Variants in PTPRJ observed in about 807,000 individuals in gnomAD.
The protein encoded by PTPRJ is receptor-type tyrosine-protein phosphatase eta.
PTPRJ carries 129 observed loss-of-function variants against 141.3 expected under a neutral mutation model. The ratio of observed to expected loss-of-function variants is 0.91; its 90% CI spans 0.79 to 1.06. The LOEUF (loss-of-function observed/expected upper bound fraction) is 1.06, where lower values mean the gene tolerates loss of function less well. PTPRJ is among the 50% of genes least tolerant of loss of function. The pLI is 0.00. For missense variants in PTPRJ, 1,601 were observed against 1,679.7 expected (o/e 0.95, Z 0.82); for synonymous variants, 610 against 640.5 (o/e 0.95, Z 0.72).
chr11:48,114,461 A>G (rs1856516310), intron 3 of PTPRJ, among the ~76,000 whole-genome samples: 1 of 151,196 alleles, frequency 6.6e-6, no homozygotes, highest in Admixed American at 6.6e-5. Context: ...AAAAAAAAGA[A>G]AAATTCCTAG....
chr11:48,154,542 G>T (rs1857557650), intron 19 of PTPRJ, among the ~76,000 whole-genome samples: 1 of 152,084 alleles, frequency 6.6e-6, no homozygotes, highest in African/African-American at 2.4e-5. Context: ...CTCTCTTTTG[G>T]GTGGGGATTA....
chr11:48,005,117 G>A (rs542103027), intron 1 of PTPRJ, among the ~76,000 whole-genome samples: 17 of 152,050 alleles, frequency 1.1e-4, no homozygotes, highest in African/African-American at 3.6e-4. Context: ...ACCTGCTTGC[G>A]AGGCTGAGGC....
intron 1 of PTPRJ, among the ~76,000 whole-genome samples, chr11:48,091,393 G>C (rs1855863050): frequency 6.6e-6 from 1 of 152,118 alleles, no homozygotes. Flanking sequence ...GCATTTTCTT[G>C]TTATTTCCCT....
intron 1 of PTPRJ, among the ~76,000 whole-genome samples, chr11:48,100,426 G>A (rs2134312194): frequency 6.6e-6 from 1 of 152,298 alleles, no homozygotes; most frequent in East Asian, 1.9e-4. Flanking sequence ...CCCCTCGTAT[G>A]CTAAGTGCTT....
rs535812042 is a variant in PTPRJ at position 48,064,441 on chromosome 11, C to T, written c.97-45617C>T. Among the ~76,000 whole-genome samples, 20 of 152,212 alleles carry T rather than the reference C, an allele frequency of 1.3e-4. 1 individual carries two copies. In the South Asian group the frequency reaches 3.5e-3, roughly 27 times the overall value. ...CACCGGGCAGCAGCCCAGCAGCAGT[C>T]GGAGCTGCAGGGTCAGCTCACCATG... On this transcript the variant is annotated intron_variant, in intron 1 of 24. Coordinates refer to ENST00000418331, the MANE Select transcript of PTPRJ (RefSeq NM_002843.4).
In PTPRJ at chr11:48,121,185, G is replaced by A; in HGVS notation, c.535G>A (p.Ala179Thr). 6.2e-7 allele frequency: 1 copy of A among 1,614,118 alleles called. No homozygotes were observed. The highest frequency in any genetic ancestry group is 1.1e-5 in the South Asian group (1 of 91,088). Residue 179 changes from alanine (A) to threonine (T), a missense_variant, in exon 4 of 25, where the codon GCG becomes ACG. Transcript: ENST00000418331. ...PWCNITGLRP[A>T]TSYVFSITPG... ...GTGTAACATCACAGGCTTACGTCCA[G>A]CGACTTCATATGTATTCTCCATCAC...
At chr11:48,165,963 C>T (rs973951933) in intron 24 of PTPRJ, among the ~76,000 whole-genome samples, 2 of 151,502 alleles carry the variant, frequency 1.3e-5, no homozygotes, top group South Asian at 2.1e-4. Flanking sequence ...TGGGTTCAAG[C>T]GATTCCCCTG....
At chr11:48,139,405 C>T in intron 10 of PTPRJ, 81 bp from the exon 11 acceptor site, 1 of 1,471,368 alleles carries the variant, frequency 6.8e-7, no homozygotes, top group Non-Finnish European at 9.3e-7. Flanking sequence ...TTCTCATCCC[C>T]AGGATTCTGC....
chr11:48,141,535 C>T (rs1857228491), intron 11 of PTPRJ, among the ~76,000 whole-genome samples: 1 of 152,164 alleles, frequency 6.6e-6, no homozygotes, highest in African/African-American at 2.4e-5. Context: ...CCCACCTCAT[C>T]TGTGATTCTT....
chr11:48,082,188 T>C lies in PTPRJ; in HGVS notation c.97-27870T>C, dbSNP rs1439067190. 2.0e-5 allele frequency among the ~76,000 whole-genome samples: 3 copies of C among 152,348 alleles called. No homozygotes were observed. In the East Asian group the frequency reaches 5.8e-4, roughly 29 times the overall value. On this transcript the variant is annotated intron_variant, in intron 1 of 24. Coordinates refer to ENST00000418331, the MANE Select transcript of PTPRJ (RefSeq NM_002843.4). The stretch of plus-strand genomic sequence containing the variant: ...AGGCGATATGAGGAGCAGGGCATTT[T>C]TGGAGGAAGAAACTTTACCTCTGTT...
rs544578913 is a variant in PTPRJ, at chr11:48,089,498, G to A, written c.97-20560G>A. The stretch of plus-strand genomic sequence containing the variant: ...GCCACTGTACTCTAGCCTGGGCAAC[G>A]GAGCGAGACTCCATCTCAAAAAAAA... On this transcript the variant is annotated intron_variant, in intron 1 of 24. Transcript: ENST00000418331. Among the ~76,000 whole-genome samples the A allele has an allele frequency of 5.8e-5, 8 of 138,850 alleles. No homozygotes were observed. In the South Asian group the frequency reaches 7.1e-4, roughly 12 times the overall value. 91.1% of individuals were successfully genotyped at this position (138,850 alleles called of 152,430 possible).
intron 8 of PTPRJ, chr11:48,132,161 A>G (rs1323605664): frequency 2.0e-6 from 2 of 985,346 alleles, no homozygotes; most frequent in Non-Finnish European, 2.4e-6. Flanking sequence ...TGTGTTGGGC[A>G]GGTGGACTGT....
chr11:48,096,872 C>T (rs946623719), intron 1 of PTPRJ: 1 of 154,888 alleles, frequency 6.5e-6, no homozygotes, highest in African/African-American at 2.4e-5. Context: ...GTTCTGCTAC[C>T]TCCTAGCCTG....
At chr11:48,069,645 G>T (rs1008883421) in intron 1 of PTPRJ, among the ~76,000 whole-genome samples, 1 of 151,494 alleles carries the variant, frequency 6.6e-6, no homozygotes, top group African/African-American at 2.4e-5. Flanking sequence ...TAGAGACGGG[G>T]TTTCACCATG....
At chr11:48,069,704 G>A (rs552089472) in intron 1 of PTPRJ, among the ~76,000 whole-genome samples, 219 of 152,190 alleles carry the variant, frequency 1.4e-3, no homozygotes, top group African/African-American at 4.8e-3. Context: ...GCCCACCTCA[G>A]CCTCCCAAAG....
intron 1 of PTPRJ, among the ~76,000 whole-genome samples, chr11:48,098,770 C>T (rs538896340): frequency 6.2e-5 from 1 of 16,244 alleles, no homozygotes; most frequent in African/African-American, 8.9e-5. Flanking sequence ...CCGCCCGTCT[C>T]GGCCTCCCAA....
intron 1 of PTPRJ, among the ~76,000 whole-genome samples, chr11:48,066,979 T>C (rs993579773): frequency 6.6e-6 from 1 of 152,188 alleles, no homozygotes; most frequent in Non-Finnish European, 1.5e-5. Flanking sequence ...GATTAAATAA[T>C]GATTGTGGGT....
intron 1 of PTPRJ, among the ~76,000 whole-genome samples, chr11:47,992,688 C>G (rs147584307): frequency 4.1e-4 from 63 of 152,172 alleles, no homozygotes; most frequent in African/African-American, 1.3e-3. Context: ...GACTTACATA[C>G]TGTAAGGCGG....
At chr11:48,145,235 G>A in intron 14 of PTPRJ, 111 bp downstream of exon 14, 1 of 1,440,944 alleles carries the variant, frequency 6.9e-7, no homozygotes, top group Non-Finnish European at 9.5e-7. Flanking sequence ...GGGTTGGTGT[G>A]CCCAGCTCTC....
Sources: gnomAD v4.1 joint callset for allele counts (sites outside exome capture counted in the v4.1 genomes callset) on GRCh38, gnomAD v4.1.1 for gene constraint, MANE v1.5 for transcripts, NCBI Gene and HGNC (gene_info 2026-07-23, HGNC 2026-07-21) for gene names.